Variants in ARMH4 observed in about 807,000 individuals in gnomAD.
ARMH4 encodes armadillo-like helical domain-containing protein 4.
A neutral mutation model predicts 61.9 loss-of-function variants in ARMH4; 49 were observed. The observed-to-expected ratio is 0.79, with a 90% CI of 0.63 to 1.00. The LOEUF (loss-of-function observed/expected upper bound fraction) is 1.00, where lower values mean the gene tolerates loss of function less well. Among genes scored for constraint, ARMH4 ranks in the 50% least tolerant of loss-of-function variants. The pLI is 0.00. For missense variants in ARMH4, 934 were observed against 930.0 expected (o/e 1.00, Z -0.06); for synonymous variants, 368 against 341.5 (o/e 1.08, Z -0.85).
chr14:58,084,584 C>G (rs1259818416), intron 5 of ARMH4, among the ~76,000 whole-genome samples: 1 of 152,178 alleles, frequency 6.6e-6, no homozygotes. Flanking sequence ...TCAAATCCTT[C>G]CTGTTCCAAA....
At chr14:58,104,852 T>C (rs1417818677) in intron 4 of ARMH4, among the ~76,000 whole-genome samples, 3 of 152,182 alleles carry the variant, frequency 2.0e-5, no homozygotes, top group Non-Finnish European at 4.4e-5. Flanking sequence ...AGTAAATGTA[T>C]AAACAATGAG....
At chr14:58,040,982 C>T (rs561761128) in intron 5 of ARMH4, among the ~76,000 whole-genome samples, 67 of 152,288 alleles carry the variant, frequency 4.4e-4, no homozygotes, top group African/African-American at 1.5e-3. Context: ...GGTCAGGGGG[C>T]GGTTCCAAGA....
chr14:58,140,604 TA>T (rs1240816663), intron 1 of ARMH4, among the ~76,000 whole-genome samples: 1 of 140,672 alleles, frequency 7.1e-6, no homozygotes, highest in Admixed American at 7.1e-5. Context: ...AATAAATAAA[TA>T]AAATATAAAA....
At chr14:58,121,062 T>TAA (rs1413292805) in intron 4 of ARMH4, among the ~76,000 whole-genome samples, 1 of 152,184 alleles carries the variant, frequency 6.6e-6, no homozygotes, top group Admixed American at 6.5e-5. Context: ...TGGTCAAGAT[T>TAA]AAAACATCAG....
chr14:58,124,124 A>G (rs1397551933), intron 4 of ARMH4, among the ~76,000 whole-genome samples: 2 of 152,222 alleles, frequency 1.3e-5, no homozygotes, highest in East Asian at 1.9e-4. Flanking sequence ...TCCCAGGTAC[A>G]GCAAAATAGC....
intron 1 of ARMH4, among the ~76,000 whole-genome samples, chr14:58,148,203 C>T (rs1193264108): frequency 6.6e-6 from 1 of 152,178 alleles, no homozygotes; most frequent in African/African-American, 2.4e-5. Flanking sequence ...TGTGCCACCA[C>T]ACCCGGCTAA....
chr14:58,152,168 C>T lies in ARMH4; in HGVS notation c.-150G>A. Reference sequence around the variant, plus strand: ...GCGGCGGGCCCTGCGGCGGCGGCGGCGGTAGCGGCGGCGACTCCCTCCGCT... The same window carrying T: ...GCGGCGGGCCCTGCGGCGGCGGCGGTGGTAGCGGCGGCGACTCCCTCCGCT... On this transcript the variant is annotated 5_prime_UTR_variant, in exon 1 of 8. Transcript: ENST00000267485. The T allele has an allele frequency of 3.1e-5, 5 of 160,236 alleles. No individual in the cohort carries two copies. The highest frequency in any genetic ancestry group is 1.9e-4 in the East Asian group (1 of 5,374). The allele number at this position is 160,236 out of a possible 1,614,324, so 9.9% of individuals were successfully genotyped here. A position where few individuals can be genotyped will look rare whatever the true frequency, so the allele number is the denominator to read the frequency against.
At chr14:58,094,254 C>T (rs1566576702) in intron 5 of ARMH4, among the ~76,000 whole-genome samples, 3 of 148,598 alleles carry the variant, frequency 2.0e-5, no homozygotes, top group South Asian at 2.1e-4. Context: ...TGTTTGAACC[C>T]GGGAGGCAGA....
chr14:58,052,658 A>G (rs1884185782), intron 5 of ARMH4, among the ~76,000 whole-genome samples: 2 of 152,060 alleles, frequency 1.3e-5, no homozygotes, highest in African/African-American at 4.8e-5. Context: ...GAATTATAGT[A>G]GTTCCTCAGG....
At chr14:58,032,688 T>C (rs562661904) in intron 5 of ARMH4, among the ~76,000 whole-genome samples, 2 of 151,800 alleles carry the variant, frequency 1.3e-5, no homozygotes, top group South Asian at 2.1e-4. Flanking sequence ...CAGGCCAGTG[T>C]GTGCGCGCAC....
rs569940224 is a variant in ARMH4 at position 58,002,911 on chromosome 14, C to T, written c.*1825G>A. 3 of 152,244 alleles carry T rather than the reference C, an allele frequency of 2.0e-5. No homozygotes were observed. The South Asian group carries it at 6.2e-4, about 32-fold the overall frequency. 9.4% of individuals were successfully genotyped at this position (152,244 alleles called of 1,614,324 possible). On this transcript the variant is annotated 3_prime_UTR_variant, in exon 8 of 8. Coordinates refer to ENST00000267485, the MANE Select transcript of ARMH4 (RefSeq NM_001001872.4). ...CAGTTTCACATATTTGCTTACATCT[C>T]TTGGCAAAAAGAGTTAAAATTATTT...
chr14:58,111,520 T>C (rs1005583843), intron 4 of ARMH4, among the ~76,000 whole-genome samples: 3 of 152,160 alleles, frequency 2.0e-5, no homozygotes, highest in African/African-American at 7.2e-5. Context: ...AAATTTATTT[T>C]CTCACAGTTT....
At chr14:58,051,642 T>G (rs557845062) in intron 5 of ARMH4, among the ~76,000 whole-genome samples, 9 of 152,382 alleles carry the variant, frequency 5.9e-5, no homozygotes, top group Admixed American at 3.9e-4. Flanking sequence ...AGTCATTATC[T>G]GTTACACCAA....
intron 5 of ARMH4, among the ~76,000 whole-genome samples, chr14:58,080,135 AAT>A (rs1186901098): frequency 2.6e-3 from 395 of 149,536 alleles, no homozygotes; most frequent in African/African-American, 7.6e-3. Flanking sequence ...ATATATATAA[AAT>A]TTTTTTTTTG....
rs78320794 is a variant in ARMH4, at chr14:58,138,567, G to C, written c.792C>G (p.Asn264Lys). The change falls in exon 2 of 8, where the codon AAC (asparagine) becomes AAG (lysine). Residue 264 changes from asparagine to lysine, a missense_variant. Transcript: ENST00000267485. ...KEKPSQMTAD[N>K]TQAAATKQPL... is the part of the protein sequence containing the mutation. The stretch of plus-strand genomic sequence containing the variant: ...GTTGCTTGGTGGCAGCAGCCTGGGT[G>C]TTATCAGCTGTCATCTGCGAAGGCT... 2.4e-5 allele frequency: 38 copies of C among 1,614,220 alleles called. No homozygotes were observed. The African/African-American group carries it at 4.5e-4, about 19-fold the overall frequency.
At chr14:58,106,299 T>C (rs1333229173) in intron 4 of ARMH4, among the ~76,000 whole-genome samples, 2 of 152,146 alleles carry the variant, frequency 1.3e-5, no homozygotes, top group African/African-American at 4.8e-5. Context: ...TTCCAACACC[T>C]AACAATAGTG....
At chr14:58,005,274 C>T in intron 6 of ARMH4, 92 bp from the exon 7 acceptor site, 9 of 1,510,426 alleles carry the variant, frequency 6.0e-6, no homozygotes, top group Admixed American at 3.7e-5. Flanking sequence ...GGTTTTTAGA[C>T]ACTTTGAATT....
intron 5 of ARMH4, among the ~76,000 whole-genome samples, chr14:58,093,302 T>C (rs1885635271): frequency 6.6e-6 from 1 of 152,154 alleles, no homozygotes; most frequent in Non-Finnish European, 1.5e-5. Context: ...TAAGTGATCC[T>C]CCCACCTCAG....
Position 58,103,925 on chromosome 14 carries a change from C to T in ARMH4, c.1832-6944G>A, listed in dbSNP as rs140080471. On this transcript the variant is annotated intron_variant, in intron 4 of 7. Transcript: ENST00000267485. ...AAGACAACTTGGTCCTCAACATCTTCAGCCAATCTCTTCTCTTTAAAGTAT... is the reference window on the plus strand; with the variant it reads ...AAGACAACTTGGTCCTCAACATCTTTAGCCAATCTCTTCTCTTTAAAGTAT... 2.0e-3 allele frequency among the ~76,000 whole-genome samples: 299 copies of T among 152,286 alleles called. 2 individuals carry two copies. Among genetic ancestry groups the T allele is most frequent in the African/African-American group, 6.5e-3 (272 of 41,552 alleles).
Sources: gnomAD v4.1 joint callset for allele counts (sites outside exome capture counted in the v4.1 genomes callset) on GRCh38, gnomAD v4.1.1 for gene constraint, MANE v1.5 for transcripts, NCBI Gene and HGNC (gene_info 2026-07-23, HGNC 2026-07-21) for gene names.